Variants in COBLL1 observed in about 807,000 individuals in gnomAD.
The protein encoded by COBLL1 is cordon-bleu WH2 repeat protein like 1.
Under a neutral mutation model 94.8 loss-of-function variants are expected in COBLL1, and 50 were observed. That is an observed-to-expected ratio of 0.53 (90% confidence interval 0.42 to 0.67). COBLL1 has a LOEUF of 0.67. COBLL1 is among the 30% of genes least tolerant of loss of function. COBLL1 has a pLI of 0.00. For missense variants in COBLL1, 1,362 were observed against 1,348.7 expected (o/e 1.01, Z -0.15); for synonymous variants, 448 against 473.8 (o/e 0.95, Z 0.71).
rs1683123841 is a variant in COBLL1 at position 164,683,227 on chromosome 2, C to A, written c.*2719G>T. On this transcript the variant is annotated 3_prime_UTR_variant, in exon 14 of 14. Transcript: ENST00000652658. ...ATTTTAATATTATATAAATAAATAA[C>A]TTGATTGGAGGAAAGAAGGAAAAGC... 1 of 151,506 alleles carries A rather than the reference C, an allele frequency of 6.6e-6. No homozygotes were observed. Among genetic ancestry groups the A allele is most frequent in the Non-Finnish European group, 1.5e-5 (1 of 67,916 alleles). The allele number at this position is 151,506 out of a possible 1,614,324, so 9.4% of individuals were successfully genotyped here.
intron 2 of COBLL1, among the ~76,000 whole-genome samples, chr2:164,755,472 TTTG>T (rs1442394645): frequency 6.6e-6 from 1 of 152,236 alleles, no homozygotes; most frequent in Non-Finnish European, 1.5e-5. Flanking sequence ...AGGTTGATTT[TTTG>T]TTGTTATACC....
intron 13 of COBLL1, chr2:164,687,327 G>T: frequency 1.5e-6 from 1 of 663,798 alleles, no homozygotes; most frequent in East Asian, 2.6e-5. Flanking sequence ...GCCACAACTG[G>T]GGATGTACTT....
chr2:164,677,938 A>G (rs185939663), downstream of COBLL1, among the ~76,000 whole-genome samples: 306 of 152,302 alleles, frequency 2.0e-3, 1 homozygote, highest in African/African-American at 6.1e-3. Context: ...ACTTAGTATT[A>G]TTAGACTTCT....
Position 164,665,465 on chromosome 2 carries a change from A to G in COBLL1, n.181+382T>C, listed in dbSNP as rs562975304. Among the ~76,000 whole-genome samples the G allele has an allele frequency of 8.9e-3, 1,275 of 143,444 alleles. 8 individuals are homozygous for G. Among genetic ancestry groups the G allele is most frequent in the African/African-American group, 0.023 (894 of 39,434 alleles). The allele number at this position is 143,444 out of a possible 152,430, so 94.1% of individuals were successfully genotyped here. ...GTAACGTAAGTGTCTACTGTAGTTT[A>G]AAAAAAAAAAAAGACATGGCATAAT... On this transcript the variant is annotated intron_variant and non_coding_transcript_variant, in intron 2 of 2. Coordinates refer to the COBLL1 transcript ENST00000495084.
intron 2 of COBLL1, among the ~76,000 whole-genome samples, chr2:164,827,169 G>A (rs1283133012): frequency 6.6e-6 from 1 of 151,898 alleles, no homozygotes; most frequent in Non-Finnish European, 1.5e-5. Flanking sequence ...GGCTGGTCTC[G>A]AACTCCTGAA....
intron 12 of COBLL1, among the ~76,000 whole-genome samples, chr2:164,693,095 A>C (rs1235752327): frequency 1.3e-5 from 2 of 152,130 alleles, no homozygotes; most frequent in African/African-American, 4.8e-5. Context: ...TGTCTTTTTC[A>C]AACTGCCAAA....
chr2:164,686,459 G>C (rs1268787622), intron 13 of COBLL1, among the ~76,000 whole-genome samples: 1 of 152,048 alleles, frequency 6.6e-6, no homozygotes, highest in Non-Finnish European at 1.5e-5. Context: ...ATAAATTAAC[G>C]TGAAATCCCC....
chr2:164,806,512 A>G (rs1455512018), intron 2 of COBLL1, among the ~76,000 whole-genome samples: 2 of 152,150 alleles, frequency 1.3e-5, no homozygotes, highest in African/African-American at 4.8e-5. Context: ...AATAAACTCA[A>G]GCTTCCTGGC....
At chr2:164,804,308 G>C (rs1683977037) in intron 2 of COBLL1, among the ~76,000 whole-genome samples, 1 of 151,990 alleles carries the variant, frequency 6.6e-6, no homozygotes, top group Non-Finnish European at 1.5e-5. Context: ...AACTCTATGA[G>C]TAAAAGAAAA....
At chr2:164,725,500 C>T (rs1198776222) in intron 5 of COBLL1, among the ~76,000 whole-genome samples, 7 of 152,132 alleles carry the variant, frequency 4.6e-5, no homozygotes, top group Admixed American at 4.6e-4. Flanking sequence ...TCACCACAGC[C>T]CTGACCTCCC....
At chr2:164,837,534 C>T in intron 2 of COBLL1, 1 of 440,150 alleles carries the variant, frequency 2.3e-6, no homozygotes, top group South Asian at 1.7e-5. Flanking sequence ...CTAGGATTTC[C>T]ACTTCATAGA....
intron 2 of COBLL1, among the ~76,000 whole-genome samples, chr2:164,752,633 C>T (rs1194224431): frequency 6.6e-6 from 1 of 151,962 alleles, no homozygotes; most frequent in Non-Finnish European, 1.5e-5. Context: ...AAATGAAAAC[C>T]CACCAAATCC....
chr2:164,711,204 T>C (rs988116305), intron 7 of COBLL1, among the ~76,000 whole-genome samples: 13 of 152,342 alleles, frequency 8.5e-5, no homozygotes, highest in African/African-American at 2.2e-4. Context: ...AAATATTATA[T>C]GTAAAATACA....
chr2:164,717,044 T>A (rs983466248), intron 7 of COBLL1, among the ~76,000 whole-genome samples: 4 of 152,208 alleles, frequency 2.6e-5, no homozygotes, highest in African/African-American at 9.6e-5. Flanking sequence ...TGTCATGTGT[T>A]ACTGACATTT....
At chr2:164,662,306 G>A (rs1691083667) in intron 2 of COBLL1, among the ~76,000 whole-genome samples, 1 of 152,088 alleles carries the variant, frequency 6.6e-6, no homozygotes, top group Admixed American at 6.6e-5. Flanking sequence ...GCCTTGCTTA[G>A]TAAAGCATAA....
At chr2:164,751,444 T>C (rs1006617687) in intron 2 of COBLL1, among the ~76,000 whole-genome samples, 5 of 152,052 alleles carry the variant, frequency 3.3e-5, no homozygotes, top group Admixed American at 3.3e-4. Flanking sequence ...CATCAGTTCA[T>C]AGGAGAGCAA....
chr2:164,749,177 T>TA (rs1687009526), intron 2 of COBLL1, among the ~76,000 whole-genome samples: 2 of 152,180 alleles, frequency 1.3e-5, no homozygotes, highest in Admixed American at 1.3e-4. Flanking sequence ...TAAAATGCTG[T>TA]ATGAGATATA....
At chr2:164,740,896 A>T (rs893506385) in intron 3 of COBLL1, among the ~76,000 whole-genome samples, 1 of 150,906 alleles carries the variant, frequency 6.6e-6, no homozygotes, top group Admixed American at 6.6e-5. Flanking sequence ...AGGGGGGGAA[A>T]AGTTCATAAA....
At position 164,819,387 on chromosome 2, in the gene COBLL1, T is replaced by A. The variant is rs117653421; in HGVS notation, c.41+21769A>T. ...AGGAAGTGAATTTATAAGGGAAAAATTAAAATTAAATATTGTAAGAGTTTC... is the reference window on the plus strand; with the variant it reads ...AGGAAGTGAATTTATAAGGGAAAAAATAAAATTAAATATTGTAAGAGTTTC... On this transcript the variant is annotated intron_variant, in intron 2 of 13. Coordinates refer to ENST00000652658, the MANE Select transcript of COBLL1 (RefSeq NM_001365672.2). 8.3e-4 allele frequency among the ~76,000 whole-genome samples: 126 copies of A among 152,104 alleles called. 1 individual carries two copies. In the East Asian group the frequency reaches 0.02, roughly 24 times the overall value.
Sources: gnomAD v4.1 joint callset for allele counts (sites outside exome capture counted in the v4.1 genomes callset) on GRCh38, gnomAD v4.1.1 for gene constraint, MANE v1.5 for transcripts, NCBI Gene and HGNC (gene_info 2026-07-23, HGNC 2026-07-21) for gene names.